The following ITIH6 variants were observed in gnomAD, a reference collection of about 807,000 sequenced individuals.
The protein encoded by ITIH6 is inter-alpha-trypsin inhibitor heavy chain family member 6.
A neutral mutation model predicts 58.2 loss-of-function variants in ITIH6; 60 were observed. The ratio of observed to expected loss-of-function variants is 1.03; its 90% confidence interval spans 0.84 to 1.28. The LOEUF (loss-of-function observed/expected upper bound fraction) is 1.28. Ranked by LOEUF, ITIH6 falls within the 50% of genes most tolerant of loss-of-function variation. ITIH6 has a pLI of 0.00. For synonymous variants in ITIH6, 493 were observed against 417.4 expected, an observed-to-expected ratio of 1.18 and a Z score of -2.21; for missense variants, 1,290 against 1,021.1, an observed-to-expected ratio of 1.26 and a Z score of -3.59.
chrX:54,759,926 G>A lies in ITIH6; in HGVS notation c.905C>T (p.Thr302Ile). The A allele has an allele frequency of 8.3e-7, 1 of 1,203,139 alleles. No individual in the cohort carries two copies. The highest frequency in any genetic ancestry group is 1.1e-6 in the Non-Finnish European group (1 of 889,247). The change falls in exon 7 of 13, where the codon ACT becomes ATT. Residue 302 changes from threonine to isoleucine, a missense_variant and splice_region_variant. By Grantham distance (89) the Thr-to-Ile change is moderately conservative (BLOSUM62 -1). Coordinates refer to ENST00000218436, the MANE Select transcript of ITIH6 (RefSeq NM_198510.3). ...GAGGATCACATTCATGGCCGTTTTA[G>A]TCTGTGGGATATGGATGAAATGAAG... The part of the protein sequence containing the change: ...SSMFGTKMEQ[T>I]KTAMNVILSD...
At chrX:54,764,977 T>C (rs1278897695) in intron 6 of ITIH6, among the ~76,000 whole-genome samples, 1 of 72,006 alleles carries the variant, frequency 1.4e-5, no homozygotes, top group African/African-American at 5.3e-5. Flanking sequence ...TGATATCTCA[T>C]AGTGGTTTTG....
At chrX:54,777,375 G>A (rs560795694) in intron 5 of ITIH6, among the ~76,000 whole-genome samples, 3 of 112,819 alleles carry the variant, frequency 2.7e-5, no homozygotes, top group Admixed American at 1.9e-4. Flanking sequence ...GGGCCTGAAG[G>A]AACTCACTAT....
At chrX:54,773,231 G>T (rs774883267) in intron 6 of ITIH6, among the ~76,000 whole-genome samples, 1 of 111,413 alleles carries the variant, frequency 9.0e-6, no homozygotes, top group East Asian at 2.8e-4. Flanking sequence ...TTAGTGAATT[G>T]GTGTCCCTGA....
chrX:54,758,084 C>A lies in ITIH6; in HGVS notation c.1990G>T (p.Val664Leu). Residue 664 changes from valine (V) to leucine (L), a missense_variant, in exon 8 of 13, where the codon GTG (valine) becomes TTG (leucine). Physicochemically the swap from Val to Leu is conservative, Grantham distance 32 (BLOSUM62 1). Coordinates refer to ENST00000218436, the MANE Select transcript of ITIH6 (RefSeq NM_198510.3). Reference protein sequence around the residue: ...PKVISPKSRPVKPKFYLSSTT... With the variant: ...PKVISPKSRPLKPKFYLSSTT... ...GAGGATAAGTAGAACTTTGGTTTCA[C>A]AGGCCTTGATTTGGGGGAGATGACC... The A allele has an allele frequency of 8.3e-7, 1 of 1,211,723 alleles. No homozygotes were observed. The highest frequency in any genetic ancestry group is 1.7e-5 in the African/African-American group (1 of 57,737).
chrX:54,792,104 A>G, intron 2 of ITIH6, 68 bp from the exon 3 acceptor site: 1 of 754,145 alleles, frequency 1.3e-6, no homozygotes, highest in Admixed American at 2.3e-5. Context: ...GAGACAGAGA[A>G]AGAGACACAT....
intron 5 of ITIH6, chrX:54,787,341 C>T (rs1929260686): frequency 8.9e-6 from 1 of 111,922 alleles, no homozygotes; most frequent in Admixed American, 9.5e-5. Context: ...TCATTTTTCC[C>T]ATGCTTACTT....
At chrX:54,797,817 T>C (rs1929470868) in intron 1 of ITIH6, among the ~76,000 whole-genome samples, 1 of 111,492 alleles carries the variant, frequency 9.0e-6, no homozygotes, top group Non-Finnish European at 1.9e-5. Flanking sequence ...CAGACGGTTC[T>C]GCCACTTCCT....
intron 5 of ITIH6, among the ~76,000 whole-genome samples, chrX:54,782,844 T>C (rs1929173366): frequency 8.9e-6 from 1 of 111,954 alleles, no homozygotes; most frequent in South Asian, 3.7e-4. Context: ...TCATTCTACA[T>C]GGTCAGTATT....
intron 6 of ITIH6, among the ~76,000 whole-genome samples, chrX:54,773,326 C>A (rs1157629770): frequency 9.0e-6 from 1 of 111,456 alleles, no homozygotes; most frequent in East Asian, 2.8e-4. Context: ...TTGGGGAGAT[C>A]CCTCCCCCTA....
Position 54,759,771 on chromosome X carries a change from T to G in ITIH6, c.1060A>C (p.Met354Leu), listed in dbSNP as rs745878556. ...VHSAKDYLHC[M>L]EADGWTDVNS... is the part of the protein sequence containing the mutation. ...TAACACTTACAGCCATCGGCTTCCATGCAATGCAGGTAGTCCTTGGCACTG... is the reference window on the plus strand; with the variant it reads ...TAACACTTACAGCCATCGGCTTCCAGGCAATGCAGGTAGTCCTTGGCACTG... Residue 354 changes from methionine (M) to leucine (L), a missense_variant, in exon 7 of 13, where the codon ATG becomes CTG. Physicochemically the swap from Met to Leu is conservative, Grantham distance 15. Transcript: ENST00000218436. 13 of 1,207,346 alleles carry G rather than the reference T, an allele frequency of 1.1e-5. No individual in the cohort carries two copies. In the South Asian group the frequency reaches 2.1e-4, roughly 20 times the overall value.
chrX:54,757,917 T>C lies in ITIH6; in HGVS notation c.2157A>G (p.Pro719=). Reference sequence around the variant, plus strand: ...GAATGGTAGGTTTTGTCCTGAGAGTTGGCTGGGCCAAGGTGCCAGAATCCT... The same window carrying C: ...GAATGGTAGGTTTTGTCCTGAGAGTCGGCTGGGCCAAGGTGCCAGAATCCT... ...AQQDSGTLAQ[P]TLRTKPTILV... Residue 719 remains proline (P), a synonymous_variant, in exon 8 of 13, where the codon CCA becomes CCG. Transcript: ENST00000218436. 8.3e-7 allele frequency: 1 copy of C among 1,211,678 alleles called. No homozygotes were observed. The highest frequency in any genetic ancestry group is 1.1e-6 in the Non-Finnish European group (1 of 895,364).
intron 11 of ITIH6, among the ~76,000 whole-genome samples, chrX:54,752,632 G>A (rs182395961): frequency 3.8e-4 from 43 of 112,138 alleles, no homozygotes; most frequent in African/African-American, 1.3e-3. Flanking sequence ...AATTCTGATG[G>A]AAAAATTAAA....
intron 6 of ITIH6, among the ~76,000 whole-genome samples, chrX:54,769,963 C>T (rs1347029578): frequency 7.3e-5 from 8 of 109,277 alleles, no homozygotes; most frequent in East Asian, 2.9e-4. Flanking sequence ...CAATGGCGGG[C>T]GCCCCTCCCC....
rs113321087 is a variant in ITIH6 at position 54,752,162 on chromosome X, G to A, written c.3353-782C>T. The stretch of plus-strand genomic sequence containing the variant: ...AGTCTTCAAAAAGTTCATGGAAAAT[G>A]CATTTTATGAAAAACTATGGATGGA... On this transcript the variant is annotated intron_variant, in intron 11 of 12. Transcript: ENST00000218436. Among the ~76,000 whole-genome samples, 190 of 111,539 alleles carry A rather than the reference G, an allele frequency of 1.7e-3. 1 individual carries two copies. Among genetic ancestry groups the A allele is most frequent in the African/African-American group, 5.9e-3 (180 of 30,702 alleles).
chrX:54,795,437 G>A (rs755958350), intron 2 of ITIH6, among the ~76,000 whole-genome samples: 1 of 111,527 alleles, frequency 9.0e-6, no homozygotes, highest in Non-Finnish European at 1.9e-5. Flanking sequence ...TTTCCTGATA[G>A]GTGTGCAAAC....
intron 6 of ITIH6, among the ~76,000 whole-genome samples, chrX:54,773,837 G>A (rs961684438): frequency 2.7e-5 from 3 of 110,438 alleles, no homozygotes; most frequent in African/African-American, 9.9e-5. Context: ...CTGGGCTTTC[G>A]TGGTTGAGGG....
In ITIH6 at chrX:54,791,060, G is replaced by T. The variant is rs931046945; in HGVS notation, c.393C>A (p.Arg131=). ...GIRDRESEKF[R]ISTSLAAGTE... ...TGCCTGCTGCCAGGCTGGTGGAGATGCGGAACTTCTCTGATTCCCGGTCCC... is the reference window on the plus strand; with the variant it reads ...TGCCTGCTGCCAGGCTGGTGGAGATTCGGAACTTCTCTGATTCCCGGTCCC... Residue 131 remains arginine, a synonymous_variant, in exon 4 of 13, where the codon CGC becomes CGA. Coordinates refer to ENST00000218436, the MANE Select transcript of ITIH6 (RefSeq NM_198510.3). 1.7e-6 allele frequency: 2 copies of T among 1,209,792 alleles called. No homozygotes were observed. Among genetic ancestry groups the T allele is most frequent in the African/African-American group, 3.5e-5 (2 of 57,286 alleles).
intron 5 of ITIH6, among the ~76,000 whole-genome samples, chrX:54,783,971 A>G (rs1363084094): frequency 8.9e-6 from 1 of 112,071 alleles, no homozygotes; most frequent in African/African-American, 3.2e-5. Flanking sequence ...ACAGATTGGT[A>G]CTGGGATAGA....
intron 6 of ITIH6, among the ~76,000 whole-genome samples, chrX:54,764,163 A>G (rs1248998560): frequency 8.9e-6 from 1 of 111,805 alleles, no homozygotes; most frequent in Non-Finnish European, 1.9e-5. Flanking sequence ...CTGTCTTTTA[A>G]TTGGTATATT....
Sources: allele counts gnomAD v4.1 joint callset (sites outside exome capture counted in the v4.1 genomes callset), GRCh38; gene constraint gnomAD v4.1.1; transcripts MANE v1.5; gene names NCBI Gene and HGNC (gene_info 2026-07-23, HGNC 2026-07-21).